Variants in STK33 observed in about 807,000 individuals in gnomAD.
STK33 encodes the protein serine/threonine-protein kinase 33.
Under a neutral mutation model 58.0 loss-of-function variants are expected in STK33, and 52 were observed. The ratio of observed to expected loss-of-function variants is 0.90; its 90% CI spans 0.72 to 1.13. The LOEUF is 1.13. Ranked by LOEUF, STK33 falls within the 50% of genes most tolerant of loss-of-function variation. The probability of loss-of-function intolerance (pLI) is 0.00; values close to 1 mark genes in which losing one functional copy is unlikely to be tolerated. For synonymous variants in STK33, 215 were observed against 200.1 expected (o/e 1.07, Z -0.63); for missense variants, 630 against 604.2 (o/e 1.04, Z -0.45).
At chr11:8,369,597 C>T in the STK33 span, among the ~76,000 whole-genome samples, 1 of 152,106 alleles carries the variant, frequency 6.6e-6, no homozygotes, top group East Asian at 1.9e-4. Context: ...ACCTCCTCTC[C>T]TCCTCCGCCT....
intron 1 of STK33, among the ~76,000 whole-genome samples, chr11:8,523,444 G>A (rs1287502092): frequency 2.0e-5 from 3 of 151,170 alleles, no homozygotes; most frequent in African/African-American, 7.3e-5. Flanking sequence ...CTGCCCGGCC[G>A]CCCCGTCTGA....
intron 14 of STK33, among the ~76,000 whole-genome samples, chr11:8,432,966 A>G (rs1390377927): frequency 6.6e-6 from 1 of 152,242 alleles, no homozygotes; most frequent in East Asian, 1.9e-4. Flanking sequence ...CAAAGCCAGA[A>G]ATAAAGTATG....
the STK33 span, among the ~76,000 whole-genome samples, chr11:8,349,699 C>T: frequency 4.6e-5 from 7 of 152,246 alleles, no homozygotes; most frequent in Non-Finnish European, 1.0e-4. Flanking sequence ...CCCTTGCCCC[C>T]AGTCGGGACA....
intron 1 of STK33, among the ~76,000 whole-genome samples, chr11:8,588,858 A>C (rs1487058851): frequency 6.6e-6 from 1 of 152,218 alleles, no homozygotes; most frequent in African/African-American, 2.4e-5. Context: ...AAAATATTTG[A>C]ATAGGTATTT....
chr11:8,406,126 G>C (rs1285713237), intron 15 of STK33, among the ~76,000 whole-genome samples: 1 of 132,608 alleles, frequency 7.5e-6, no homozygotes, highest in Non-Finnish European at 1.6e-5. Flanking sequence ...CTGGGTGACA[G>C]AGCGAGACTC....
the STK33 span, among the ~76,000 whole-genome samples, chr11:8,364,656 A>G: frequency 1.3e-5 from 2 of 152,214 alleles, no homozygotes; most frequent in Non-Finnish European, 2.9e-5. Context: ...GCTTAATTAA[A>G]CCATGGTAAC....
intron 1 of STK33, among the ~76,000 whole-genome samples, chr11:8,518,543 C>A (rs1953044813): frequency 6.6e-6 from 1 of 152,214 alleles, no homozygotes; most frequent in Non-Finnish European, 1.5e-5. Context: ...AAGACACAGA[C>A]TGGCAAATTG....
At chr11:8,389,734 G>C (rs987089263), downstream of STK33, among the ~76,000 whole-genome samples, 1 of 152,206 alleles carries the variant, frequency 6.6e-6, no homozygotes, top group Non-Finnish European at 1.5e-5. Context: ...TTTAAACAAA[G>C]CATTTCAGTG....
chr11:8,587,683 C>G (rs1384651852), intron 1 of STK33, among the ~76,000 whole-genome samples: 1 of 152,172 alleles, frequency 6.6e-6, no homozygotes, highest in Non-Finnish European at 1.5e-5. Flanking sequence ...TCCTGTTTCT[C>G]CCATGAGGCT....
intron 1 of STK33, among the ~76,000 whole-genome samples, chr11:8,488,969 C>A (rs1037027804): frequency 1.3e-5 from 2 of 152,042 alleles, no homozygotes; most frequent in African/African-American, 4.8e-5. Flanking sequence ...GTCTAAAGAA[C>A]TAAAAGAGGC....
At chr11:8,556,374 C>A (rs1956746185) in intron 1 of STK33, among the ~76,000 whole-genome samples, 1 of 152,140 alleles carries the variant, frequency 6.6e-6, no homozygotes, top group African/African-American at 2.4e-5. Context: ...TTCAGGAATT[C>A]ATTTATAAAA....
Position 8,534,564 on chromosome 11 carries a change from CTCTCTG to C in STK33, c.-465-53956_-465-53951del, listed in dbSNP as rs1162387244. Among the ~76,000 whole-genome samples, 626 of 118,404 alleles carry C rather than the reference CTCTCTG, an allele frequency of 5.3e-3. 4 individuals are homozygous for C. The highest frequency in any genetic ancestry group is 0.016 in the African/African-American group (411 of 26,358). The allele number at this position is 118,404 out of a possible 152,430, so 77.7% of individuals were successfully genotyped here. ...TCTCTCTCTCTCTCTCTCTCTCTCT[CTCTCTG>C]TGTGTGTGTGTGTGTGTGTGTGTGT... On this transcript the variant is annotated intron_variant, in intron 1 of 15. Coordinates refer to ENST00000687296, the MANE Select transcript of STK33 (RefSeq NM_001352389.2).
chr11:8,467,444 G>A (rs6578969), intron 6 of STK33: 81,415 of 152,034 alleles, frequency 0.54, 21,984 homozygotes, highest in South Asian at 0.64. Flanking sequence ...TTAGTAAAAC[G>A]TAACAAGAGT....
chr11:8,581,852 A>G (rs934186100), intron 1 of STK33, among the ~76,000 whole-genome samples: 1 of 152,246 alleles, frequency 6.6e-6, no homozygotes, highest in Non-Finnish European at 1.5e-5. Context: ...ATCATTTCAT[A>G]TAACTAGTAC....
chr11:8,483,519 G>T (rs551007726), intron 1 of STK33, among the ~76,000 whole-genome samples: 39 of 152,268 alleles, frequency 2.6e-4, no homozygotes, highest in African/African-American at 8.9e-4. Context: ...ATAGTCTTAG[G>T]TGGGCACTTC....
intron 9 of STK33, 25 bp from the exon 10 acceptor site, chr11:8,454,857 C>T (rs757817616): frequency 4.6e-6 from 7 of 1,506,946 alleles, no homozygotes; most frequent in Non-Finnish European, 5.4e-6. Flanking sequence ...AACAACAAAT[C>T]AAATGAAATG....
intron 1 of STK33, among the ~76,000 whole-genome samples, chr11:8,512,352 G>A (rs118171220): frequency 0.053 from 8,077 of 152,032 alleles, 286 homozygotes; most frequent in Non-Finnish European, 0.071. Context: ...ATATCAACCA[G>A]AGTCTCTAAA....
chr11:8,384,335 T>C, the STK33 span, among the ~76,000 whole-genome samples: 10,367 of 152,294 alleles, frequency 0.068, 477 homozygotes, highest in Non-Finnish European at 0.098. Flanking sequence ...GAGGGCACCA[T>C]GGTCTTGCGG....
At chr11:8,457,974 G>A (rs747010585) in intron 8 of STK33, among the ~76,000 whole-genome samples, 2 of 152,168 alleles carry the variant, frequency 1.3e-5, no homozygotes, top group Non-Finnish European at 2.9e-5. Flanking sequence ...GGTGAGGAGT[G>A]AGGCTAGAAA....
Sources: gnomAD v4.1 joint callset for allele counts (sites outside exome capture counted in the v4.1 genomes callset) on GRCh38, gnomAD v4.1.1 for gene constraint, MANE v1.5 for transcripts, NCBI Gene and HGNC (gene_info 2026-07-23, HGNC 2026-07-21) for gene names.